The following GLI3 variants were observed in gnomAD, a reference collection of about 807,000 sequenced individuals.
GLI3 encodes transcription activator GLI3.
In GLI3, 20 loss-of-function variants were observed where a neutral mutation model predicts 100.8. That is an observed-to-expected ratio of 0.20 (90% confidence interval 0.14 to 0.29). GLI3 has a LOEUF of 0.29. Among genes scored for constraint, GLI3 ranks in the 10% least tolerant of loss-of-function variants. GLI3 has a pLI of 1.00. For synonymous variants in GLI3, 938 were observed against 860.5 expected (o/e 1.09, Z -1.58); for missense variants, 2,040 against 2,128.5 (o/e 0.96, Z 0.82).
At chr7:42,187,676 G>A (rs1787744046) in intron 2 of GLI3, among the ~76,000 whole-genome samples, 4 of 152,070 alleles carry the variant, frequency 2.6e-5, no homozygotes, top group African/African-American at 7.2e-5. Context: ...CTGGATTAAG[G>A]TGAACCCTAA....
At chr7:42,237,940 G>C (rs2128708166), upstream of GLI3, 1 of 147,000 alleles carries the variant, frequency 6.8e-6, no homozygotes, top group Admixed American at 6.8e-5. Context: ...GGGGAGCCCG[G>C]GCGCCGCGAG....
chr7:41,990,490 C>T (rs1358288755), intron 10 of GLI3, among the ~76,000 whole-genome samples: 1 of 152,200 alleles, frequency 6.6e-6, no homozygotes, highest in East Asian at 1.9e-4. Flanking sequence ...ATACTCCCTC[C>T]ACATCACTGA....
At chr7:41,991,057 G>A (rs1349176761) in intron 10 of GLI3, among the ~76,000 whole-genome samples, 3 of 152,172 alleles carry the variant, frequency 2.0e-5, no homozygotes, top group African/African-American at 7.2e-5. Flanking sequence ...TTCACTCAAA[G>A]CTTATTTATG....
chr7:42,257,811 ATT>A (rs1026807770), intron 1 of GLI3, among the ~76,000 whole-genome samples: 1 of 152,066 alleles, frequency 6.6e-6, no homozygotes, highest in Non-Finnish European at 1.5e-5. Context: ...TAAGATAATT[ATT>A]GTTTTTATCA....
At chr7:42,021,237 T>A (rs576959692) in intron 10 of GLI3, among the ~76,000 whole-genome samples, 3 of 152,360 alleles carry the variant, frequency 2.0e-5, no homozygotes, top group African/African-American at 7.2e-5. Context: ...TATTTACTCA[T>A]ATAATTTATC....
intron 3 of GLI3, among the ~76,000 whole-genome samples, chr7:42,115,327 A>C (rs1217062225): frequency 6.6e-6 from 1 of 151,818 alleles, no homozygotes; most frequent in East Asian, 1.9e-4. Flanking sequence ...TTTAGTAGAG[A>C]CAGGGTTTCA....
chr7:42,148,971 T>C (rs1235068134), intron 2 of GLI3, among the ~76,000 whole-genome samples: 1 of 152,216 alleles, frequency 6.6e-6, no homozygotes, highest in Non-Finnish European at 1.5e-5. Flanking sequence ...TCCTAGAGAA[T>C]GACCTATTAG....
In GLI3 at chr7:42,060,774, A is replaced by G. The variant is rs1186386884; in HGVS notation, c.474-12078T>C. On this transcript the variant is annotated intron_variant, in intron 4 of 14. Coordinates refer to ENST00000395925, the MANE Select transcript of GLI3 (RefSeq NM_000168.6). ...GCTCCTCAAACAACTAAGTCCCTCTATGATGAACTAACTGTGCCTAGAAAA... is the reference window on the plus strand; with the variant it reads ...GCTCCTCAAACAACTAAGTCCCTCTGTGATGAACTAACTGTGCCTAGAAAA... Among the ~76,000 whole-genome samples, 3 of 152,312 alleles carry G rather than the reference A, an allele frequency of 2.0e-5. No homozygotes were observed. The East Asian group carries it at 5.8e-4, about 29-fold the overall frequency.
intron 2 of GLI3, among the ~76,000 whole-genome samples, chr7:42,179,131 T>C (rs112901140): frequency 2.0e-5 from 3 of 152,166 alleles, no homozygotes; most frequent in African/African-American, 7.2e-5. Context: ...ATTCTCGTGA[T>C]ATTAAGTCTC....
chr7:41,974,463 GA>G (rs1199929499), intron 12 of GLI3, among the ~76,000 whole-genome samples: 1 of 152,168 alleles, frequency 6.6e-6, no homozygotes, highest in African/African-American at 2.4e-5. Flanking sequence ...TATAATTAGA[GA>G]CTAAGAAAAA....
At chr7:42,226,298 A>G (rs557051578) in intron 1 of GLI3, among the ~76,000 whole-genome samples, 1 of 152,362 alleles carries the variant, frequency 6.6e-6, no homozygotes, top group African/African-American at 2.4e-5. Flanking sequence ...AGAACTAAGT[A>G]TCTTCCTTAG....
chr7:42,155,920 C>T (rs1226658904), intron 2 of GLI3, among the ~76,000 whole-genome samples: 1 of 152,090 alleles, frequency 6.6e-6, no homozygotes, highest in Non-Finnish European at 1.5e-5. Context: ...ATAGGGTTTC[C>T]ATACATTTTC....
intron 10 of GLI3, among the ~76,000 whole-genome samples, chr7:42,001,642 C>G (rs983657762): frequency 6.6e-6 from 1 of 152,090 alleles, no homozygotes; most frequent in African/African-American, 2.4e-5. Flanking sequence ...AAAAATATTT[C>G]AGGAAAGAAG....
chr7:42,105,227 G>T (rs1785547203), intron 3 of GLI3, among the ~76,000 whole-genome samples: 1 of 152,132 alleles, frequency 6.6e-6, no homozygotes, highest in Admixed American at 6.5e-5. Context: ...ATTCAGGAAG[G>T]CACACTGAAC....
chr7:42,037,934 A>G (rs193113519), intron 7 of GLI3, among the ~76,000 whole-genome samples: 5 of 152,334 alleles, frequency 3.3e-5, no homozygotes, highest in Non-Finnish European at 5.9e-5. Flanking sequence ...GACCATTTCT[A>G]TACCATATTC....
At chr7:42,179,483 C>T (rs895914550) in intron 2 of GLI3, among the ~76,000 whole-genome samples, 2 of 152,068 alleles carry the variant, frequency 1.3e-5, no homozygotes, top group African/African-American at 2.4e-5. Flanking sequence ...GTGACATAAT[C>T]CAACTTATAT....
At chr7:42,115,864 G>C (rs1562738506) in intron 3 of GLI3, among the ~76,000 whole-genome samples, 1 of 152,050 alleles carries the variant, frequency 6.6e-6, no homozygotes. Flanking sequence ...TATATAATTT[G>C]GGGTTGGTGG....
intron 4 of GLI3, among the ~76,000 whole-genome samples, chr7:42,066,615 A>C (rs1390789446): frequency 6.6e-6 from 1 of 152,194 alleles, no homozygotes; most frequent in African/African-American, 2.4e-5. Context: ...AGACTCCAGA[A>C]GTGTTCAAGG....
chr7:42,217,845 T>G (rs1337103738), intron 2 of GLI3, among the ~76,000 whole-genome samples: 1 of 152,258 alleles, frequency 6.6e-6, no homozygotes, highest in East Asian at 1.9e-4. Flanking sequence ...CTTTTTGTTT[T>G]GGATTCATAA....
Sources: allele counts gnomAD v4.1 joint callset (sites outside exome capture counted in the v4.1 genomes callset), GRCh38; gene constraint gnomAD v4.1.1; transcripts MANE v1.5; gene names NCBI Gene and HGNC (gene_info 2026-07-23, HGNC 2026-07-21).